The following CNST variants were observed in gnomAD, a reference collection of about 807,000 sequenced individuals.
The protein encoded by CNST is consortin.
CNST carries 39 observed loss-of-function variants against 72.4 expected under a neutral mutation model. The observed-to-expected ratio is 0.54, with a 90% CI of 0.42 to 0.70. CNST has a LOEUF of 0.70. CNST is among the 30% of genes least tolerant of loss of function. The pLI is 0.00. For missense variants in CNST, 871 were observed against 868.5 expected, an observed-to-expected ratio of 1.00 and a Z score of -0.04; for synonymous variants, 332 against 320.1, an observed-to-expected ratio of 1.04 and a Z score of -0.40.
intron 3 of CNST, among the ~76,000 whole-genome samples, chr1:246,628,251 C>A (rs1453630775): frequency 1.3e-5 from 2 of 152,142 alleles, no homozygotes; most frequent in Non-Finnish European, 2.9e-5. Flanking sequence ...CACAGACACA[C>A]CCAGGATCAA....
intron 2 of CNST, among the ~76,000 whole-genome samples, chr1:246,599,877 A>T (rs1662153710): frequency 6.6e-6 from 1 of 152,238 alleles, no homozygotes; most frequent in Admixed American, 6.5e-5. Flanking sequence ...TTTATTGAGC[A>T]TTGTTGCTGG....
intron 2 of CNST, among the ~76,000 whole-genome samples, chr1:246,599,114 AT>A (rs1662087817): frequency 6.6e-6 from 1 of 151,912 alleles, no homozygotes; most frequent in South Asian, 2.1e-4. Context: ...CCTGATTTAT[AT>A]AGAGTCAAAT....
At chr1:246,657,863 G>A (rs536300033) in intron 9 of CNST, among the ~76,000 whole-genome samples, 7 of 152,154 alleles carry the variant, frequency 4.6e-5, no homozygotes, top group Non-Finnish European at 8.8e-5. Context: ...TTTGATTTAT[G>A]GCTTGTATCC....
In CNST at chr1:246,666,899, A is replaced by C. The variant is rs1292689565; in HGVS notation, c.*994A>C. The C allele has an allele frequency of 6.6e-6, 1 of 152,232 alleles. No individual in the cohort carries two copies. Among genetic ancestry groups the C allele is most frequent in the African/African-American group, 2.4e-5 (1 of 41,466 alleles). 9.4% of individuals were successfully genotyped at this position (152,232 alleles called of 1,614,324 possible). On this transcript the variant is annotated 3_prime_UTR_variant, in exon 11 of 11. Coordinates refer to ENST00000366513, the MANE Select transcript of CNST (RefSeq NM_152609.3). ...ACTTTGCTGAGTGAAATCACCATATAGAATTCAGTATTAACAGATCATGCA... is the reference window on the plus strand; with the variant it reads ...ACTTTGCTGAGTGAAATCACCATATCGAATTCAGTATTAACAGATCATGCA...
In CNST at chr1:246,652,634, T is replaced by G. The variant is rs1056187452; in HGVS notation, c.1836+4597T>G. Among the ~76,000 whole-genome samples, 4 of 152,136 alleles carry G rather than the reference T, an allele frequency of 2.6e-5. No individual in the cohort carries two copies. In the South Asian group the frequency reaches 8.3e-4, roughly 31 times the overall value. On this transcript the variant is annotated intron_variant, in intron 9 of 10. Coordinates refer to ENST00000366513, the MANE Select transcript of CNST (RefSeq NM_152609.3). ...TATTAAGTGTTTCAGATTGAAGTGA[T>G]TTTTGTTTTTAGAAATAATTTCATT...
Position 246,626,015 on chromosome 1 carries a change from C to T in CNST, c.585+4381C>T, listed in dbSNP as rs73132574. 2.0e-3 allele frequency among the ~76,000 whole-genome samples: 303 copies of T among 151,804 alleles called. 5 individuals are homozygous for T. Among genetic ancestry groups the T allele is most frequent in the African/African-American group, 7.0e-3 (292 of 41,426 alleles). On this transcript the variant is annotated intron_variant, in intron 3 of 10. Coordinates refer to ENST00000366513, the MANE Select transcript of CNST (RefSeq NM_152609.3). The stretch of plus-strand genomic sequence containing the variant: ...CTCTTTTCTTGGCTTTTACCTCTTA[C>T]ATCACTTGGCCATGCCTTCTCCGGC...
chr1:246,599,854 T>G (rs1411258061), intron 2 of CNST, among the ~76,000 whole-genome samples: 1 of 152,246 alleles, frequency 6.6e-6, no homozygotes, highest in Non-Finnish European at 1.5e-5. Flanking sequence ...CAGGATTACA[T>G]AGTCAATAGA....
intron 3 of CNST, among the ~76,000 whole-genome samples, chr1:246,626,016 A>G (rs114480153): frequency 0.016 from 2,389 of 149,790 alleles, 24 homozygotes; most frequent in Middle Eastern, 0.039. Flanking sequence ...TACCTCTTAC[A>G]TCACTTGGCC....
intron 3 of CNST, among the ~76,000 whole-genome samples, chr1:246,625,843 C>A (rs991531774): frequency 6.6e-6 from 1 of 152,126 alleles, no homozygotes; most frequent in Non-Finnish European, 1.5e-5. Flanking sequence ...ACCACTCCCC[C>A]AAAATTGCAC....
intron 2 of CNST, among the ~76,000 whole-genome samples, chr1:246,618,125 A>G (rs953271112): frequency 6.6e-6 from 1 of 152,234 alleles, no homozygotes; most frequent in Non-Finnish European, 1.5e-5. Flanking sequence ...CTTACCTTCC[A>G]TTATCGTAAA....
chr1:246,588,719 ATTCT>A (rs1661352166), intron 1 of CNST, among the ~76,000 whole-genome samples: 1 of 152,200 alleles, frequency 6.6e-6, no homozygotes, highest in Admixed American at 6.5e-5. Flanking sequence ...GAATTAATAA[ATTCT>A]TTTATATTGA....
intron 1 of CNST, among the ~76,000 whole-genome samples, chr1:246,567,483 A>C (rs1034173885): frequency 2.0e-5 from 3 of 151,956 alleles, no homozygotes; most frequent in African/African-American, 7.3e-5. Context: ...CAGCCAATCA[A>C]CTCCGTGTCT....
intron 10 of CNST, among the ~76,000 whole-genome samples, chr1:246,664,431 CT>C (rs571280092): frequency 1.1e-3 from 152 of 143,878 alleles, no homozygotes; most frequent in Admixed American, 1.2e-3. Context: ...GTCTTTTTTT[CT>C]TTTTTTTTTT....
Position 246,665,777 on chromosome 1 carries a change from G to A in CNST, c.2050G>A (p.Ala684Thr), listed in dbSNP as rs766686138. The change falls in exon 11 of 11, where the codon GCA becomes ACA. Residue 684 changes from alanine (A) to threonine (T), a missense_variant. Transcript: ENST00000366513. ...ATVFLSVGGT[A>T]LYCTFGDMES... ...GGTTTTCCTCAGTGTTGGAGGAACT[G>A]CATTATACTGCACTTTCGGTGACAT... 3.7e-6 allele frequency: 6 copies of A among 1,613,930 alleles called. No homozygotes were observed. In the Admixed American group the frequency reaches 1.0e-4, roughly 27 times the overall value.
chr1:246,614,492 C>T (rs180963604), intron 2 of CNST, among the ~76,000 whole-genome samples: 22 of 148,142 alleles, frequency 1.5e-4, no homozygotes, highest in African/African-American at 3.0e-4. Flanking sequence ...TCTTTCCAGT[C>T]CCCATTTTGA....
At chr1:246,658,306 G>A (rs959982948) in intron 9 of CNST, among the ~76,000 whole-genome samples, 13 of 152,222 alleles carry the variant, frequency 8.5e-5, no homozygotes, top group Admixed American at 7.8e-4. Context: ...TATAAAACCT[G>A]TTTTCTCTGT....
At chr1:246,658,341 G>A (rs748217374) in intron 9 of CNST, among the ~76,000 whole-genome samples, 9 of 152,060 alleles carry the variant, frequency 5.9e-5, no homozygotes, top group South Asian at 2.1e-4. Context: ...CTTTAATGAC[G>A]ATGTTGCTTT....
At chr1:246,614,594 C>G (rs1663561252) in intron 2 of CNST, among the ~76,000 whole-genome samples, 1 of 151,600 alleles carries the variant, frequency 6.6e-6, no homozygotes, top group African/African-American at 2.4e-5. Flanking sequence ...GCCTCAGCCT[C>G]CTGAGTAGCT....
At chr1:246,583,188 T>C (rs978506239) in intron 1 of CNST, among the ~76,000 whole-genome samples, 2 of 152,264 alleles carry the variant, frequency 1.3e-5, no homozygotes, top group South Asian at 4.1e-4. Flanking sequence ...CATTCCTTCC[T>C]GTGTTTACCA....
Sources: gnomAD v4.1 joint callset for allele counts (sites outside exome capture counted in the v4.1 genomes callset) on GRCh38, gnomAD v4.1.1 for gene constraint, MANE v1.5 for transcripts, NCBI Gene and HGNC (gene_info 2026-07-23, HGNC 2026-07-21) for gene names.